PDE1C: variants seen among roughly 807,000 people sequenced by gnomAD.
PDE1C encodes dual specificity calcium/calmodulin-dependent 3',5'-cyclic nucleotide phosphodiesterase 1C.
In PDE1C, 62 loss-of-function variants were observed where a neutral mutation model predicts 93.1. The observed-to-expected ratio is 0.67, with a 90% CI of 0.54 to 0.82. PDE1C has a LOEUF of 0.82. Ranked by LOEUF, PDE1C falls within the 40% of genes least tolerant of loss-of-function variation. The pLI is 0.00. For synonymous variants in PDE1C, 325 were observed against 310.1 expected (o/e 1.05, Z -0.50); for missense variants, 742 against 884.6 (o/e 0.84, Z 2.04).
intron 16 of PDE1C, among the ~76,000 whole-genome samples, chr7:31,780,425 G>T (rs1466839278): frequency 6.6e-6 from 1 of 152,148 alleles, no homozygotes; most frequent in Non-Finnish European, 1.5e-5. Context: ...CTGCACGTCT[G>T]CTTATTAACA....
At chr7:31,652,379 T>C in the PDE1C span, 1 of 1,306,680 alleles carries the variant, frequency 7.7e-7, no homozygotes, top group Admixed American at 2.8e-5. Flanking sequence ...GCTAAGTCAC[T>C]ATCAGAATCT....
chr7:32,020,954 G>C (rs930005143), intron 2 of PDE1C, among the ~76,000 whole-genome samples: 3 of 152,150 alleles, frequency 2.0e-5, no homozygotes, highest in African/African-American at 7.2e-5. Context: ...TCTGCTGCCA[G>C]ATGCTTTGCT....
chr7:32,400,895 G>A (rs1325786346), intron 1 of PDE1C, among the ~76,000 whole-genome samples: 2 of 152,220 alleles, frequency 1.3e-5, no homozygotes, highest in Admixed American at 1.3e-4. Context: ...TACCCCACAA[G>A]CTAAAGTCAC....
At chr7:31,670,082 T>C in the PDE1C span, among the ~76,000 whole-genome samples, 1 of 152,186 alleles carries the variant, frequency 6.6e-6, no homozygotes, top group Non-Finnish European at 1.5e-5. Flanking sequence ...ACCTTGAAAG[T>C]ATGAAGTGAT....
chr7:32,334,072 C>G (rs1364693888), intron 1 of PDE1C, among the ~76,000 whole-genome samples: 2 of 152,048 alleles, frequency 1.3e-5, no homozygotes, highest in African/African-American at 4.8e-5. Flanking sequence ...AAATTAACCA[C>G]CAATTAATGA....
chr7:32,194,244 T>G (rs1804451956), intron 2 of PDE1C, among the ~76,000 whole-genome samples: 1 of 152,224 alleles, frequency 6.6e-6, no homozygotes, highest in Non-Finnish European at 1.5e-5. Flanking sequence ...CCATTTCATC[T>G]AAGTCATCAA....
chr7:32,324,044 A>G (rs1783352273), intron 1 of PDE1C, among the ~76,000 whole-genome samples: 1 of 152,266 alleles, frequency 6.6e-6, no homozygotes, highest in Non-Finnish European at 1.5e-5. Flanking sequence ...TTTGTAGGAT[A>G]TGCAATCTAA....
At chr7:32,166,338 CTT>C (rs922601834) in intron 3 of PDE1C, among the ~76,000 whole-genome samples, 1 of 152,116 alleles carries the variant, frequency 6.6e-6, no homozygotes, top group Non-Finnish European at 1.5e-5. Flanking sequence ...ATGTTTGTTT[CTT>C]GGAGAGTAAA....
chr7:31,627,639 AACAGAGCAAG>A, the PDE1C span, among the ~76,000 whole-genome samples: 4 of 142,816 alleles, frequency 2.8e-5, no homozygotes, highest in African/African-American at 1.0e-4. Flanking sequence ...CAGCCTGAGC[AACAGAGCAAG>A]ACACTGTCTC....
chr7:32,408,258 C>CT (rs1319028185), intron 1 of PDE1C, among the ~76,000 whole-genome samples: 1 of 152,202 alleles, frequency 6.6e-6, no homozygotes, highest in Non-Finnish European at 1.5e-5. Flanking sequence ...TTAACTGCTA[C>CT]ACTCACAATC....
chr7:31,790,879 C>T (rs1167099260), intron 16 of PDE1C, among the ~76,000 whole-genome samples: 1 of 152,126 alleles, frequency 6.6e-6, no homozygotes, highest in Non-Finnish European at 1.5e-5. Context: ...AACTGGCATG[C>T]TCTACCCCAT....
At chr7:32,098,195 A>C (rs1797862521) in intron 3 of PDE1C, among the ~76,000 whole-genome samples, 1 of 125,500 alleles carries the variant, frequency 8.0e-6, no homozygotes, top group African/African-American at 3.0e-5. Flanking sequence ...GCGCCACTGC[A>C]CTCCAGCCTG....
At chr7:32,320,482 T>C (rs1783267140) in intron 1 of PDE1C, among the ~76,000 whole-genome samples, 1 of 152,028 alleles carries the variant, frequency 6.6e-6, no homozygotes, top group South Asian at 2.1e-4. Context: ...ATAACAAACC[T>C]GCACATCCTG....
intron 5 of PDE1C, among the ~76,000 whole-genome samples, chr7:31,876,184 A>C (rs1405705215): frequency 6.6e-6 from 1 of 152,106 alleles, no homozygotes; most frequent in Non-Finnish European, 1.5e-5. Context: ...AAAACATTAC[A>C]TTGTAAAAAG....
the PDE1C span, among the ~76,000 whole-genome samples, chr7:31,722,523 T>C: frequency 6.6e-6 from 1 of 152,178 alleles, no homozygotes. Context: ...ACGCTTATAC[T>C]GGCTACACTG....
At chr7:32,396,649 T>C (rs1371962219) in intron 1 of PDE1C, among the ~76,000 whole-genome samples, 1 of 152,188 alleles carries the variant, frequency 6.6e-6, no homozygotes, top group Non-Finnish European at 1.5e-5. Flanking sequence ...AATGAAGTGT[T>C]CACTGTAGAA....
chr7:32,079,433 T>C (rs1013434778), intron 3 of PDE1C, among the ~76,000 whole-genome samples: 9 of 152,262 alleles, frequency 5.9e-5, no homozygotes, highest in African/African-American at 2.2e-4. Flanking sequence ...TTCAGCTATA[T>C]TGCTGTGTAA....
intron 2 of PDE1C, among the ~76,000 whole-genome samples, chr7:31,951,076 C>T (rs2058547): frequency 0.49 from 73,825 of 151,926 alleles, 18,127 homozygotes; most frequent in African/African-American, 0.54. Context: ...TTTTCTCTTG[C>T]GTGTACATAT....
chr7:32,054,180 G>C (rs1563256527), intron 1 of PDE1C, among the ~76,000 whole-genome samples: 1 of 152,090 alleles, frequency 6.6e-6, no homozygotes, highest in African/African-American at 2.4e-5. Flanking sequence ...ACCCTCTTCT[G>C]TGCTCCCACA....
Sources: allele counts gnomAD v4.1 joint callset (sites outside exome capture counted in the v4.1 genomes callset), GRCh38; gene constraint gnomAD v4.1.1; transcripts MANE v1.5; gene names NCBI Gene and HGNC (gene_info 2026-07-23, HGNC 2026-07-21).